Variants in NDUFS4 observed in about 807,000 individuals in gnomAD.
NDUFS4 encodes NADH dehydrogenase [ubiquinone] iron-sulfur protein 4, mitochondrial.
In NDUFS4, 28 loss-of-function variants were observed where a neutral mutation model predicts 24.3. The ratio of observed to expected loss-of-function variants is 1.15; its 90% CI spans 0.85 to 1.58. The LOEUF (loss-of-function observed/expected upper bound fraction) is 1.58. NDUFS4 is among the 40% of genes most tolerant of loss of function. The probability of loss-of-function intolerance (pLI) is 0.00; values close to 1 mark genes in which losing one functional copy is unlikely to be tolerated. For synonymous variants in NDUFS4, 93 were observed against 69.7 expected (o/e 1.34, Z -1.67); for missense variants, 223 against 207.9 (o/e 1.07, Z -0.45).
chr5:53,678,394 G>A (rs1487065376), intron 4 of NDUFS4, among the ~76,000 whole-genome samples: 1 of 152,088 alleles, frequency 6.6e-6, no homozygotes, highest in Non-Finnish European at 1.5e-5. Context: ...GCAAATCTGT[G>A]CCATATGGCT....
chr5:53,602,250 C>T (rs191626025), intron 1 of NDUFS4, among the ~76,000 whole-genome samples: 9 of 152,188 alleles, frequency 5.9e-5, no homozygotes, highest in Non-Finnish European at 1.2e-4. Context: ...TTAAGAGTTG[C>T]TTAATTATAC....
At chr5:53,579,929 CA>C (rs1045478342) in intron 1 of NDUFS4, among the ~76,000 whole-genome samples, 1 of 152,138 alleles carries the variant, frequency 6.6e-6, no homozygotes, top group Non-Finnish European at 1.5e-5. Flanking sequence ...CTAGAAGAAA[CA>C]AGAAACAAAT....
At chr5:53,565,912 G>C (rs1042762348) in intron 1 of NDUFS4, among the ~76,000 whole-genome samples, 2 of 152,192 alleles carry the variant, frequency 1.3e-5, no homozygotes, top group African/African-American at 4.8e-5. Context: ...GGTGGCTCAC[G>C]CCTGTAATCC....
chr5:53,642,130 G>A (rs1751724153), intron 2 of NDUFS4, among the ~76,000 whole-genome samples: 1 of 152,156 alleles, frequency 6.6e-6, no homozygotes, highest in Non-Finnish European at 1.5e-5. Context: ...CATGACAAGT[G>A]TAAACTGTTA....
chr5:53,564,820 G>T (rs1052212711), intron 1 of NDUFS4, among the ~76,000 whole-genome samples: 1 of 152,156 alleles, frequency 6.6e-6, no homozygotes, highest in Non-Finnish European at 1.5e-5. Flanking sequence ...ATGAGCCACC[G>T]TATCCAGCCG....
chr5:53,586,557 C>T (rs1749761640), intron 1 of NDUFS4, among the ~76,000 whole-genome samples: 1 of 152,150 alleles, frequency 6.6e-6, no homozygotes, highest in Non-Finnish European at 1.5e-5. Flanking sequence ...GAGTCTCACT[C>T]TGTCGCCCAG....
intron 2 of NDUFS4, among the ~76,000 whole-genome samples, chr5:53,613,601 A>G (rs1219782808): frequency 7.3e-6 from 1 of 137,156 alleles, no homozygotes; most frequent in Non-Finnish European, 1.6e-5. Context: ...AAGCAACTAT[A>G]GTTTTTTTTT....
intron 1 of NDUFS4, among the ~76,000 whole-genome samples, chr5:53,571,923 C>T (rs1387226863): frequency 5.3e-5 from 8 of 152,074 alleles, no homozygotes; most frequent in Non-Finnish European, 1.2e-4. Flanking sequence ...ATTCTGGATA[C>T]AAATTCTTTG....
chr5:53,598,213 A>C (rs1750189585), intron 1 of NDUFS4, among the ~76,000 whole-genome samples: 1 of 152,234 alleles, frequency 6.6e-6, no homozygotes, highest in Non-Finnish European at 1.5e-5. Context: ...AAGCTAAAAC[A>C]TAGTCTTAAC....
At chr5:53,577,266 A>T (rs1435967716) in intron 1 of NDUFS4, among the ~76,000 whole-genome samples, 1 of 152,132 alleles carries the variant, frequency 6.6e-6, no homozygotes, top group Admixed American at 6.6e-5. Context: ...TTCCCTTTTG[A>T]TTAAAGGTGT....
chr5:53,649,168 C>G (rs1277247876), intron 3 of NDUFS4, among the ~76,000 whole-genome samples: 2 of 152,122 alleles, frequency 1.3e-5, no homozygotes, highest in Admixed American at 1.3e-4. Context: ...GAAATTTTGC[C>G]CTTTAGTCTA....
chr5:53,677,619 T>TA (rs530162791), intron 4 of NDUFS4, among the ~76,000 whole-genome samples: 56 of 152,250 alleles, frequency 3.7e-4, no homozygotes, highest in Non-Finnish European at 7.2e-4. Flanking sequence ...TTCTTAAAAT[T>TA]ATATGTTAGG....
At chr5:53,581,120 A>C (rs914347177) in intron 1 of NDUFS4, among the ~76,000 whole-genome samples, 1 of 152,292 alleles carries the variant, frequency 6.6e-6, no homozygotes, top group Non-Finnish European at 1.5e-5. Context: ...GGCGTGAGCT[A>C]CTGTGCCTGG....
intron 2 of NDUFS4, among the ~76,000 whole-genome samples, chr5:53,628,808 C>G (rs746149753): frequency 7.2e-5 from 11 of 151,954 alleles, no homozygotes; most frequent in Admixed American, 1.3e-4. Flanking sequence ...TTTTGTTGAT[C>G]TTTTTAAAAA....
At chr5:53,641,971 C>G (rs1230601492) in intron 2 of NDUFS4, among the ~76,000 whole-genome samples, 1 of 152,044 alleles carries the variant, frequency 6.6e-6, no homozygotes, top group African/African-American at 2.4e-5. Context: ...ATGTGCTCTA[C>G]TAAAACTGTT....
intron 2 of NDUFS4, among the ~76,000 whole-genome samples, chr5:53,628,854 G>A (rs1019427947): frequency 6.6e-6 from 1 of 151,802 alleles, no homozygotes; most frequent in Admixed American, 6.6e-5. Context: ...TTTTTTTGAA[G>A]GGTTTTTTTG....
chr5:53,661,517 G>GT (rs149611546), intron 4 of NDUFS4, among the ~76,000 whole-genome samples: 1 of 152,054 alleles, frequency 6.6e-6, no homozygotes, highest in Admixed American at 6.6e-5. Context: ...GTTTAAAGTA[G>GT]TTTTTTCCAA....
At chr5:53,573,466 T>G in intron 1 of NDUFS4, 2 of 312,466 alleles carry the variant, frequency 6.4e-6, no homozygotes, top group South Asian at 5.4e-5. Context: ...CTTTATTTAT[T>G]TATCTAATCA....
chr5:53,647,815 G>C (rs1751910458), intron 3 of NDUFS4, among the ~76,000 whole-genome samples: 1 of 152,100 alleles, frequency 6.6e-6, no homozygotes, highest in Non-Finnish European at 1.5e-5. Flanking sequence ...ATTGCCTGTT[G>C]ATTACTTGGG....
Sources: allele counts gnomAD v4.1 joint callset (sites outside exome capture counted in the v4.1 genomes callset), GRCh38; gene constraint gnomAD v4.1.1; transcripts MANE v1.5; gene names NCBI Gene and HGNC (gene_info 2026-07-23, HGNC 2026-07-21).